BRAT1: variants seen among roughly 807,000 people sequenced by gnomAD.
The protein encoded by BRAT1 is BRCA1 associated ATM activator 1, also known as integrator complex assembly factor BRAT1.
BRAT1 carries 74 observed loss-of-function variants against 70.6 expected under a neutral mutation model. That is an observed-to-expected ratio of 1.05 (90% CI 0.87 to 1.27). The LOEUF is 1.27. Ranked by LOEUF, BRAT1 falls within the 50% of genes most tolerant of loss-of-function variation. The pLI is 0.00. For missense variants in BRAT1, 1,203 were observed against 1,098.2 expected (o/e 1.10, Z -1.35); for synonymous variants, 615 against 517.1 (o/e 1.19, Z -2.57).
intron 10 of BRAT1, 72 bp downstream of exon 10, chr7:2,540,907 G>T: frequency 7.2e-7 from 1 of 1,394,036 alleles, no homozygotes; most frequent in Non-Finnish European, 9.4e-7. Flanking sequence ...GCACGGGACG[G>T]GGTGGAGTCA....
intron 8 of BRAT1, 23 bp downstream of exon 8, chr7:2,541,695 C>T: frequency 6.3e-7 from 1 of 1,593,156 alleles, no homozygotes; most frequent in Non-Finnish European, 8.5e-7. Flanking sequence ...TGCTGGGCTG[C>T]ATGAGGACCG....
In BRAT1 at chr7:2,543,178, G is replaced by A. The variant is rs764491408; in HGVS notation, c.923+26C>T. 41 of 1,536,518 alleles carry A rather than the reference G, an allele frequency of 2.7e-5. No homozygotes were observed. The highest frequency in any genetic ancestry group is 1.3e-4 in the South Asian group (11 of 81,756). ...TGCCCCAGCTCCCAGCACCCGCCTC[G>A]GAATGAAATGCACCCCAGACCATAC... On this transcript the variant is annotated intron_variant, in intron 6 of 13. Coordinates refer to ENST00000340611, the MANE Select transcript of BRAT1 (RefSeq NM_152743.4). The surrounding 1 kb of genome is among the most constrained non-coding windows in gnomAD (Gnocchi z 5.5).
intron 2 of BRAT1, among the ~76,000 whole-genome samples, chr7:2,548,646 A>G (rs1583327013): frequency 1.3e-5 from 2 of 149,900 alleles, no homozygotes; most frequent in East Asian, 3.9e-4. Context: ...AGCCTGGGCG[A>G]CAGAGGGAGA....
chr7:2,539,944 G>T (rs1245590319), intron 10 of BRAT1, 56 bp from the exon 11 acceptor site: 5 of 1,299,934 alleles, frequency 3.8e-6, no homozygotes, highest in Non-Finnish European at 5.2e-6. Flanking sequence ...CAGGCTGTCT[G>T]TCTGTCCCCC....
chr7:2,545,041 G>C lies in BRAT1; in HGVS notation c.298C>G (p.Pro100Ala). ...GGTCCTGGCTCCCCAAAGAGCCCTG[G>C]TAGTAACTCCCCCTGCTGGGAAGCA... ...FQYLQQGELL[P>A]GLFGEPGPLG... The change falls in exon 4 of 14, where the codon CCA becomes GCA. Residue 100 changes from proline to alanine, a missense_variant. Physicochemically the swap from Pro to Ala is conservative, Grantham distance 27. Transcript: ENST00000340611. The C allele has an allele frequency of 6.6e-7, 1 of 1,508,872 alleles. No homozygotes were observed. Among genetic ancestry groups the C allele is most frequent in the Non-Finnish European group, 8.9e-7 (1 of 1,127,264 alleles). The allele number at this position is 1,508,872 out of a possible 1,614,324, so 93.5% of individuals were successfully genotyped here.
intron 2 of BRAT1, among the ~76,000 whole-genome samples, chr7:2,549,205 A>T (rs1779823783): frequency 6.6e-6 from 1 of 152,114 alleles, no homozygotes; most frequent in South Asian, 2.1e-4. Flanking sequence ...AAGGGTAGCC[A>T]CTGAAGAACA....
chr7:2,541,241 AAGG>A (rs564687181), intron 9 of BRAT1, 54 bp downstream of exon 9: 1 of 1,518,358 alleles, frequency 6.6e-7, no homozygotes, highest in South Asian at 1.3e-5. Context: ...TCCGAGCAGA[AAGG>A]AGAGTGGGGG....
rs141709461 is a variant in BRAT1 at position 2,539,247 on chromosome 7, C to T, written c.1702G>A (p.Ala568Thr). The T allele has an allele frequency of 4.1e-5, 66 of 1,611,290 alleles. No homozygotes were observed. Among genetic ancestry groups the T allele is most frequent in the Non-Finnish European group, 5.2e-5 (61 of 1,179,914 alleles). Residue 568 changes from alanine (A) to threonine (T), a missense_variant, in exon 13 of 14, where the codon GCC becomes ACC. Coordinates refer to ENST00000340611, the MANE Select transcript of BRAT1 (RefSeq NM_152743.4). ...ESYVRASAVT[A>T]MGQLSSQGLH... ...CCCTGGCTGGACAGCTGCCCCATGG[C>T]GGTCACTGCACTCGCTCGGACATAA... is the stretch of plus-strand genomic sequence containing the variant.
Position 2,543,286 on chromosome 7 carries a change from C to G in BRAT1, c.841G>C (p.Glu281Gln). ...VFSSSDGSLW[E>Q]TVARALSCLG... The stretch of plus-strand genomic sequence containing the variant: ...CAGCTCAGAGCCCGCGCCACTGTCT[C>G]CCACAGGCTGCCGTCGGAAGAACTG... Residue 281 changes from glutamate to glutamine, a missense_variant, in exon 6 of 14, where the codon GAG becomes CAG. By Grantham distance (29) the Glu-to-Gln change is conservative (BLOSUM62 2). Coordinates refer to ENST00000340611, the MANE Select transcript of BRAT1 (RefSeq NM_152743.4). This position sits in a 1 kb window ranked among gnomAD's most constrained non-coding sequence, Gnocchi z 5.5. 6.2e-7 allele frequency: 1 copy of G among 1,609,888 alleles called. No homozygotes were observed. Among genetic ancestry groups the G allele is most frequent in the Non-Finnish European group, 8.5e-7 (1 of 1,178,146 alleles).
intron 2 of BRAT1, among the ~76,000 whole-genome samples, chr7:2,547,920 T>TA (rs1779734151): frequency 6.6e-6 from 1 of 151,916 alleles, no homozygotes; most frequent in Non-Finnish European, 1.5e-5. Flanking sequence ...CCATCTCTAC[T>TA]AAAAATACAA....
rs1246076739 is a variant in BRAT1 at position 2,543,278 on chromosome 7, C to T, written c.849G>A (p.Val283=). Residue 283 remains valine, a synonymous_variant, in exon 6 of 14, where the codon GTG becomes GTA. Coordinates refer to ENST00000340611, the MANE Select transcript of BRAT1 (RefSeq NM_152743.4). The surrounding 1 kb of genome is among the most constrained non-coding windows in gnomAD (Gnocchi z 5.5). ...GACCCAGGCAGCTCAGAGCCCGCGC[C>T]ACTGTCTCCCACAGGCTGCCGTCGG... is the stretch of plus-strand genomic sequence containing the variant. ...SSSDGSLWET[V]ARALSCLGPT... 1.2e-6 allele frequency: 2 copies of T among 1,610,944 alleles called. No homozygotes were observed. The highest frequency in any genetic ancestry group is 2.2e-5 in the East Asian group (1 of 44,682).
Position 2,538,162 on chromosome 7 carries a change from G to T in BRAT1, c.2373C>A (p.Ser791Arg), listed in dbSNP as rs1193984595. 1 of 1,608,898 alleles carries T rather than the reference G, an allele frequency of 6.2e-7. No homozygotes were observed. The highest frequency in any genetic ancestry group is 8.5e-7 in the Non-Finnish European group (1 of 1,177,156). ...LEGLRSTLAE[S>R]SDHVEKSPQS... The stretch of plus-strand genomic sequence containing the variant: ...GGGGACTCTTTTCCACGTGGTCGCT[G>T]CTCTCGGCCAGCGTGCTCCGCAGGC... The change falls in exon 14 of 14, where the codon AGC (serine) becomes AGA (arginine). Residue 791 changes from serine to arginine, a missense_variant. Ser to Arg is a moderately radical substitution (Grantham distance 110, BLOSUM62 -1). Coordinates refer to ENST00000340611, the MANE Select transcript of BRAT1 (RefSeq NM_152743.4).
chr7:2,550,707 A>G (rs1583333222), intron 2 of BRAT1, among the ~76,000 whole-genome samples: 1 of 152,036 alleles, frequency 6.6e-6, no homozygotes, highest in Admixed American at 6.6e-5. Flanking sequence ...AGGAGAAATG[A>G]CAGAGGCTGG....
rs139509070 is a variant in BRAT1 at position 2,541,814 on chromosome 7, G to A, written c.1038C>T (p.Asp346=). ...GGAGTGTGTCCACCGTCGTGGCATC[G>A]TCTGCCGTCCCGTCCAGCAAGCCTG... is the stretch of plus-strand genomic sequence containing the variant. ...GPPGLLDGTA[D]DATTVDTLLA... Residue 346 remains aspartate (D), a synonymous_variant, in exon 8 of 14, where the codon GAC becomes GAT. Transcript: ENST00000340611. 18 of 1,612,716 alleles carry A rather than the reference G, an allele frequency of 1.1e-5. No homozygotes were observed. In the Admixed American group the frequency reaches 1.2e-4, roughly 10 times the overall value.
chr7:2,540,166 A>C (rs1408669616), intron 10 of BRAT1: 2 of 401,952 alleles, frequency 5.0e-6, no homozygotes, highest in Non-Finnish European at 8.9e-6. Context: ...CTAGAGGCAC[A>C]CATCACCACG....
intron 9 of BRAT1, 88 bp from the exon 10 acceptor site, chr7:2,541,140 A>G (rs1779123276): frequency 7.0e-7 from 1 of 1,424,818 alleles, no homozygotes. Context: ...ACAAGGCCTC[A>G]TCCGCCAGCT....
In BRAT1 at chr7:2,538,283, G is replaced by A. The variant is rs766108481; in HGVS notation, c.2252C>T (p.Thr751Ile). The change falls in exon 14 of 14, where the codon ACC (threonine) becomes ATC (isoleucine). Residue 751 changes from threonine (T) to isoleucine (I), a missense_variant. Physicochemically the swap from Thr to Ile is moderately conservative, Grantham distance 89. Coordinates refer to ENST00000340611, the MANE Select transcript of BRAT1 (RefSeq NM_152743.4). ...GSPNTASAEATLPRWRAGEQA... is the reference protein window; with the variant it reads ...GSPNTASAEAILPRWRAGEQA... ...CTCACCCGCCCGCCACCTCGGCAGG[G>A]TGGCCTCTGCGGAGGCAGTGTTGGG... The A allele has an allele frequency of 6.2e-7, 1 of 1,612,160 alleles. No individual in the cohort carries two copies. The highest frequency in any genetic ancestry group is 8.5e-7 in the Non-Finnish European group (1 of 1,179,648).
intron 10 of BRAT1, chr7:2,540,235 T>C (rs753219566): frequency 1.8e-5 from 4 of 220,798 alleles, no homozygotes; most frequent in Non-Finnish European, 2.7e-5. Context: ...GGGGCTAATT[T>C]TTCTATTTTT....
chr7:2,539,427 T>C (rs1473219722), intron 12 of BRAT1, 76 bp from the exon 13 acceptor site: 2 of 1,526,784 alleles, frequency 1.3e-6, no homozygotes, highest in African/African-American at 2.7e-5. Context: ...CTCCATCCCC[T>C]TGTGGGCAGC....
Sources: allele counts gnomAD v4.1 joint callset (sites outside exome capture counted in the v4.1 genomes callset), GRCh38; gene constraint gnomAD v4.1.1; non-coding constraint Gnocchi (gnomAD v3.1); transcripts MANE v1.5; gene names NCBI Gene and HGNC (gene_info 2026-07-23, HGNC 2026-07-21).